Variants in CPQ observed in about 807,000 individuals in gnomAD.
CPQ encodes the protein carboxypeptidase Q.
Under a neutral mutation model 45.7 loss-of-function variants are expected in CPQ, and 37 were observed. The observed-to-expected ratio is 0.81, with a 90% CI of 0.62 to 1.07. The LOEUF is 1.07. Ranked by LOEUF, CPQ falls within the 50% of genes least tolerant of loss-of-function variation. CPQ has a pLI of 0.00. For synonymous variants in CPQ, 186 were observed against 205.8 expected (o/e 0.90, Z 0.82); for missense variants, 537 against 572.9 (o/e 0.94, Z 0.64).
At chr8:96,726,894 C>T (rs987968323) in intron 1 of CPQ, among the ~76,000 whole-genome samples, 7 of 152,132 alleles carry the variant, frequency 4.6e-5, no homozygotes, top group Admixed American at 3.3e-4. Context: ...GACCTCTTGA[C>T]TTTGGACTTC....
intron 7 of CPQ, among the ~76,000 whole-genome samples, chr8:97,125,160 T>C (rs1258408211): frequency 6.6e-6 from 1 of 152,078 alleles, no homozygotes; most frequent in Non-Finnish European, 1.5e-5. Context: ...CATGCATAAA[T>C]TCCTTAAAAG....
At chr8:97,101,107 T>C (rs1811296624) in intron 7 of CPQ, among the ~76,000 whole-genome samples, 1 of 152,172 alleles carries the variant, frequency 6.6e-6, no homozygotes, top group Non-Finnish European at 1.5e-5. Context: ...GTGTTGTTAA[T>C]GACTCTTGGC....
chr8:96,738,443 T>A (rs1810024861), intron 1 of CPQ, among the ~76,000 whole-genome samples: 1 of 151,648 alleles, frequency 6.6e-6, no homozygotes, highest in African/African-American at 2.4e-5. Context: ...TTTTATTTTT[T>A]ATTTTTTTAT....
At chr8:96,824,232 T>G (rs1331360515) in intron 2 of CPQ, among the ~76,000 whole-genome samples, 1 of 152,056 alleles carries the variant, frequency 6.6e-6, no homozygotes, top group South Asian at 2.1e-4. Flanking sequence ...GAATTTTAGA[T>G]GTACTACCAA....
chr8:96,839,000 C>T (rs1811569024), intron 3 of CPQ, among the ~76,000 whole-genome samples: 1 of 152,082 alleles, frequency 6.6e-6, no homozygotes. Flanking sequence ...TAGCTCCCTT[C>T]TCTCTGAAAA....
intron 4 of CPQ, among the ~76,000 whole-genome samples, chr8:96,886,253 G>T (rs1242823102): frequency 2.6e-5 from 4 of 152,256 alleles, no homozygotes; most frequent in African/African-American, 9.6e-5. Flanking sequence ...TGGAAGCTCT[G>T]ACATTAGCCT....
At chr8:96,692,728 G>C (rs1809320833) in intron 1 of CPQ, among the ~76,000 whole-genome samples, 1 of 152,070 alleles carries the variant, frequency 6.6e-6, no homozygotes, top group Admixed American at 6.6e-5. Flanking sequence ...AGAAGGACAG[G>C]TACAAATAAG....
At chr8:96,911,896 G>C (rs1388783379) in intron 4 of CPQ, among the ~76,000 whole-genome samples, 2 of 152,188 alleles carry the variant, frequency 1.3e-5, no homozygotes, top group Non-Finnish European at 2.9e-5. Context: ...TAAGGGCACA[G>C]GCTGTAGTAT....
At chr8:96,955,144 C>T (rs949795067) in intron 4 of CPQ, among the ~76,000 whole-genome samples, 2 of 152,108 alleles carry the variant, frequency 1.3e-5, no homozygotes, top group African/African-American at 4.8e-5. Context: ...AATGGTATTT[C>T]TGGTTCTAGA....
At chr8:97,057,202 C>T (rs142128276) in intron 6 of CPQ, among the ~76,000 whole-genome samples, 6 of 152,184 alleles carry the variant, frequency 3.9e-5, no homozygotes, top group East Asian at 1.9e-4. Context: ...CTCAAGTTTA[C>T]GTCAAAATAA....
Position 97,135,763 on chromosome 8 carries a change from C to T in CPQ, c.1256-7257C>T, listed in dbSNP as rs1441625. 5.3e-3 allele frequency among the ~76,000 whole-genome samples: 800 copies of T among 152,268 alleles called. 2 individuals are homozygous for T. Among genetic ancestry groups the T allele is most frequent in the Non-Finnish European group, 9.5e-3 (645 of 68,022 alleles). On this transcript the variant is annotated intron_variant, in intron 7 of 7. Transcript: ENST00000220763. ...GAGAAATGGATTTCCCACAGCTGCTCGCCTGTGAATGCATCCTTCACACAG... is the reference window on the plus strand; with the variant it reads ...GAGAAATGGATTTCCCACAGCTGCTTGCCTGTGAATGCATCCTTCACACAG...
At chr8:96,707,688 AATGAT>A (rs200077205) in intron 1 of CPQ, among the ~76,000 whole-genome samples, 3,567 of 151,118 alleles carry the variant, frequency 0.024, 151 homozygotes, top group African/African-American at 0.082. Flanking sequence ...TGAATGAATG[AATGAT>A]TTTTTTTTTT....
chr8:96,750,299 A>G (rs1172406329), intron 1 of CPQ, among the ~76,000 whole-genome samples: 1 of 151,904 alleles, frequency 6.6e-6, no homozygotes, highest in Non-Finnish European at 1.5e-5. Context: ...AAAATATTTC[A>G]AAAATTTCAA....
intron 1 of CPQ, among the ~76,000 whole-genome samples, chr8:96,700,550 A>C (rs1484374125): frequency 6.6e-6 from 1 of 151,900 alleles, no homozygotes; most frequent in African/African-American, 2.4e-5. Context: ...ACATCTCTCC[A>C]AGTAAACTGC....
At chr8:97,126,975 A>G (rs565759716) in intron 7 of CPQ, among the ~76,000 whole-genome samples, 1 of 152,212 alleles carries the variant, frequency 6.6e-6, no homozygotes, top group Non-Finnish European at 1.5e-5. Flanking sequence ...GGGGAAAAAA[A>G]TGAACCTTAG....
chr8:97,056,194 T>C (rs1361416514), intron 6 of CPQ, among the ~76,000 whole-genome samples: 3 of 152,122 alleles, frequency 2.0e-5, no homozygotes, highest in Non-Finnish European at 4.4e-5. Flanking sequence ...AGGAAACTAA[T>C]ACACAATTAG....
chr8:97,129,270 A>G (rs757518546), intron 7 of CPQ, among the ~76,000 whole-genome samples: 1 of 151,908 alleles, frequency 6.6e-6, no homozygotes, highest in Admixed American at 6.6e-5. Context: ...TGGGGCCAGG[A>G]CTCCCCACTC....
At chr8:96,738,870 T>A (rs1247980793) in intron 1 of CPQ, among the ~76,000 whole-genome samples, 1 of 152,030 alleles carries the variant, frequency 6.6e-6, no homozygotes, top group Non-Finnish European at 1.5e-5. Context: ...TTGTTGGACA[T>A]TTGGGTTGGT....
rs138516805 is a variant in CPQ at position 96,935,159 on chromosome 8, G to A, written c.850-30776G>A. 2.0e-4 allele frequency among the ~76,000 whole-genome samples: 31 copies of A among 152,230 alleles called. 1 individual carries two copies. In the East Asian group the frequency reaches 4.8e-3, roughly 24 times the overall value. On this transcript the variant is annotated intron_variant, in intron 4 of 7. Coordinates refer to ENST00000220763, the MANE Select transcript of CPQ (RefSeq NM_016134.4). ...ACAAGGCTTAACTTTTCTCAGTGTG[G>A]CTTCATTCTCAGGCAAGCTGCCTAC... is the stretch of plus-strand genomic sequence containing the variant.
Sources: gnomAD v4.1 joint callset for allele counts (sites outside exome capture counted in the v4.1 genomes callset) on GRCh38, gnomAD v4.1.1 for gene constraint, MANE v1.5 for transcripts, NCBI Gene and HGNC (gene_info 2026-07-23, HGNC 2026-07-21) for gene names.